Variants in ZFYVE28 observed in about 807,000 individuals in gnomAD.
ZFYVE28 encodes lateral signaling target protein 2 homolog.
In ZFYVE28, 40 loss-of-function variants were observed where a neutral mutation model predicts 82.1. The ratio of observed to expected loss-of-function variants is 0.49; its 90% confidence interval spans 0.38 to 0.63. The LOEUF (loss-of-function observed/expected upper bound fraction) is 0.63, where lower values mean the gene tolerates loss of function less well. Among genes scored for constraint, ZFYVE28 ranks in the 30% least tolerant of loss-of-function variants. The pLI is 0.00. For missense variants in ZFYVE28, 1,321 were observed against 1,242.1 expected, an observed-to-expected ratio of 1.06 and a Z score of -0.96; for synonymous variants, 612 against 546.1, an observed-to-expected ratio of 1.12 and a Z score of -1.68.
rs145641342 is a variant in ZFYVE28, at chr4:2,297,380, C to T, written c.2051+6909G>A. ...GACACCTCTGAGCCCTGTCCTCACA[C>T]TGGCAGAGGGCAGAGGAGCTTGGTG... On this transcript the variant is annotated intron_variant, in intron 8 of 12. Coordinates refer to ENST00000290974, the MANE Select transcript of ZFYVE28 (RefSeq NM_020972.3). Among the ~76,000 whole-genome samples, 206 of 152,356 alleles carry T rather than the reference C, an allele frequency of 1.4e-3. 4 individuals are homozygous for T. The East Asian group carries it at 0.035, about 26-fold the overall frequency.
At chr4:2,289,316 A>T (rs969096440) in intron 8 of ZFYVE28, among the ~76,000 whole-genome samples, 2 of 152,238 alleles carry the variant, frequency 1.3e-5, no homozygotes, top group African/African-American at 4.8e-5. Context: ...AAACAGGAGC[A>T]CGATACTGCC....
At chr4:2,389,755 C>G (rs1729634206) in intron 1 of ZFYVE28, among the ~76,000 whole-genome samples, 1 of 152,202 alleles carries the variant, frequency 6.6e-6, no homozygotes, top group African/African-American at 2.4e-5. Flanking sequence ...AGCCCCAAAG[C>G]CCCTAAGGAG....
chr4:2,301,630 G>A (rs753601151), intron 8 of ZFYVE28, among the ~76,000 whole-genome samples: 1 of 146,960 alleles, frequency 6.8e-6, no homozygotes, highest in South Asian at 2.2e-4. Context: ...TCTGGAGGGG[G>A]TGGGCGTCCA....
rs923135233 is a variant in ZFYVE28, at chr4:2,300,536, A to C, written c.2051+3753T>G. 2.6e-5 allele frequency among the ~76,000 whole-genome samples: 4 copies of C among 152,092 alleles called. No individual in the cohort carries two copies. The highest frequency in any genetic ancestry group is 7.2e-5 in the African/African-American group (3 of 41,412). ...CAGCACCTGAGGAAACGCTCCAGAG[A>C]GGGGCTCCTCCTGGCTGGGACCCTC... On this transcript the variant is annotated intron_variant, in intron 8 of 12. Coordinates refer to ENST00000290974, the MANE Select transcript of ZFYVE28 (RefSeq NM_020972.3). The surrounding 1 kb of genome is among the most constrained non-coding windows in gnomAD (Gnocchi z 4.6).
chr4:2,359,125 C>G (rs1725762465), intron 1 of ZFYVE28, among the ~76,000 whole-genome samples: 1 of 151,902 alleles, frequency 6.6e-6, no homozygotes, highest in Non-Finnish European at 1.5e-5. Context: ...CAGGCGCCCA[C>G]CACCAGGCCC....
chr4:2,331,383 T>C (rs1720684439), intron 6 of ZFYVE28, among the ~76,000 whole-genome samples: 1 of 151,996 alleles, frequency 6.6e-6, no homozygotes, highest in Non-Finnish European at 1.5e-5. Flanking sequence ...ACCTCATGCC[T>C]GTAATCCTAG....
chr4:2,355,042 C>G (rs970316256), intron 1 of ZFYVE28, among the ~76,000 whole-genome samples: 1 of 151,228 alleles, frequency 6.6e-6, no homozygotes, highest in Admixed American at 6.6e-5. Context: ...CACGCCCCAA[C>G]CCCGCCTGGC....
At chr4:2,404,856 TC>T (rs1393303804) in intron 1 of ZFYVE28, among the ~76,000 whole-genome samples, 4 of 70,198 alleles carry the variant, frequency 5.7e-5, no homozygotes, top group Non-Finnish European at 1.1e-4. Context: ...TCAGTCTCGC[TC>T]TTTTTTTTTT....
rs1205149174 is a variant in ZFYVE28, at chr4:2,339,142, G to A, written c.521+311C>T. Among the ~76,000 whole-genome samples, 1 of 152,060 alleles carries A rather than the reference G, an allele frequency of 6.6e-6. No individual in the cohort carries two copies. The highest frequency in any genetic ancestry group is 6.5e-5 in the Admixed American group (1 of 15,270). ...CCTCTGTTTTCTTCTCACCTGTGAC[G>A]TCTCTTCATCTTCCGAGGCATCATG... On this transcript the variant is annotated intron_variant, in intron 4 of 12. Coordinates refer to ENST00000290974, the MANE Select transcript of ZFYVE28 (RefSeq NM_020972.3). This position sits in a 1 kb window ranked among gnomAD's most constrained non-coding sequence, Gnocchi z 5.0.
Position 2,409,977 on chromosome 4 carries a change from C to T in ZFYVE28, c.39+8308G>A, listed in dbSNP as rs138927760. Among the ~76,000 whole-genome samples, 12 of 152,312 alleles carry T rather than the reference C, an allele frequency of 7.9e-5. No individual in the cohort carries two copies. Among genetic ancestry groups the T allele is most frequent in the East Asian group, 1.9e-4 (1 of 5,188 alleles). On this transcript the variant is annotated intron_variant, in intron 1 of 12. Coordinates refer to ENST00000290974, the MANE Select transcript of ZFYVE28 (RefSeq NM_020972.3). The surrounding 1 kb of genome is among the most constrained non-coding windows in gnomAD (Gnocchi z 4.4). Reference sequence around the variant, plus strand: ...CCAAAGCCCCCAAGTCAGCTGCCTACGCAGAAAGCCAAACTCAGGAACCAT... The same window carrying T: ...CCAAAGCCCCCAAGTCAGCTGCCTATGCAGAAAGCCAAACTCAGGAACCAT...
At chr4:2,399,435 C>T (rs57114230) in intron 1 of ZFYVE28, among the ~76,000 whole-genome samples, 14,194 of 152,114 alleles carry the variant, frequency 0.093, 2,140 homozygotes, top group African/African-American at 0.31. Context: ...TCCCCTACCA[C>T]GCCCCTGACC....
intron 10 of ZFYVE28, 59 bp downstream of exon 10, chr4:2,273,114 G>C: frequency 7.8e-6 from 11 of 1,409,374 alleles, no homozygotes; most frequent in Non-Finnish European, 9.9e-6. Flanking sequence ...ACCCCTCCCT[G>C]TGGGCAGGGA....
chr4:2,280,020 C>A (rs1191338429), intron 8 of ZFYVE28, among the ~76,000 whole-genome samples: 1 of 152,134 alleles, frequency 6.6e-6, no homozygotes, highest in African/African-American at 2.4e-5. Flanking sequence ...AGCTGTACAT[C>A]TCACAAACAA....
chr4:2,341,420 G>T lies in ZFYVE28; in HGVS notation c.318+58C>A, dbSNP rs1578173842. On this transcript the variant is annotated intron_variant, in intron 3 of 12. Transcript: ENST00000290974. The surrounding 1 kb of genome is among the most constrained non-coding windows in gnomAD (Gnocchi z 4.5). ...GGCGCCCATGCACAAGGTTCGCAGG[G>T]ACTTGGCTAGACGCCACCCCACATC... 4 of 1,600,552 alleles carry T rather than the reference G, an allele frequency of 2.5e-6. No individual in the cohort carries two copies. In the Admixed American group the frequency reaches 5.2e-5, roughly 21 times the overall value.
intron 1 of ZFYVE28, among the ~76,000 whole-genome samples, chr4:2,356,411 G>A (rs1441850605): frequency 4.7e-5 from 4 of 85,302 alleles, no homozygotes; most frequent in South Asian, 3.5e-4. Context: ...CCGCCCCCCC[G>A]GCAGTTGGTG....
In ZFYVE28 at chr4:2,330,280, A is replaced by C; in HGVS notation, c.701+5425T>G. ...ATAGGGTAATGAATTTTATCTCAGT[A>C]ACATGGAAAAATAAATAACAGAGTA... On this transcript the variant is annotated intron_variant, in intron 6 of 12. Transcript: ENST00000290974. 2.0e-6 allele frequency: 2 copies of C among 988,994 alleles called. 1 individual carries two copies. Among genetic ancestry groups the C allele is most frequent in the South Asian group, 9.2e-5 (2 of 21,686 alleles). 61.3% of individuals were successfully genotyped at this position (988,994 alleles called of 1,614,324 possible).
intron 6 of ZFYVE28, among the ~76,000 whole-genome samples, chr4:2,333,718 G>T (rs1721103562): frequency 6.6e-6 from 1 of 152,180 alleles, no homozygotes. Flanking sequence ...TGCTGTGAGT[G>T]CCCTTGGGAC....
intron 1 of ZFYVE28, among the ~76,000 whole-genome samples, chr4:2,399,770 G>A (rs961863337): frequency 6.6e-6 from 1 of 152,244 alleles, no homozygotes; most frequent in Non-Finnish European, 1.5e-5. Flanking sequence ...CCCCTGACTT[G>A]GAGCAGAGCT....
intron 2 of ZFYVE28, among the ~76,000 whole-genome samples, chr4:2,344,595 A>C (rs1416882961): frequency 6.6e-6 from 1 of 152,232 alleles, no homozygotes; most frequent in East Asian, 1.9e-4. Flanking sequence ...CAGGTACCCA[A>C]TTAAAAAATT....
Sources: gnomAD v4.1 joint callset for allele counts (sites outside exome capture counted in the v4.1 genomes callset) on GRCh38, gnomAD v4.1.1 for gene constraint, Gnocchi (gnomAD v3.1) non-coding constraint, MANE v1.5 for transcripts, NCBI Gene and HGNC (gene_info 2026-07-23, HGNC 2026-07-21) for gene names.